BRCC3: variants seen among roughly 807,000 people sequenced by gnomAD.
BRCC3 encodes the protein BRCA1/BRCA2-containing complex subunit 3, also known as lys-63-specific deubiquitinase BRCC36.
A neutral mutation model predicts 28.0 loss-of-function variants in BRCC3; 15 were observed. The ratio of observed to expected loss-of-function variants is 0.54; its 90% CI spans 0.36 to 0.82. BRCC3 has a LOEUF of 0.82. BRCC3 is among the 40% of genes least tolerant of loss of function. BRCC3 has a pLI of 0.01. For missense variants in BRCC3, 109 were observed against 225.9 expected (o/e 0.48, Z 3.32); for synonymous variants, 66 against 80.3 (o/e 0.82, Z 0.95).
chrX:155,102,471 T>C (rs191414275), intron 7 of BRCC3, among the ~76,000 whole-genome samples: 27 of 112,419 alleles, frequency 2.4e-4, no homozygotes, highest in Non-Finnish European at 2.1e-4. Context: ...TTTTAATAGC[T>C]TTTTTGAAGG....
chrX:155,120,225 T>C, intron 10 of BRCC3, 57 bp downstream of exon 10: 1 of 894,130 alleles, frequency 1.1e-6, no homozygotes, highest in South Asian at 2.3e-5. Flanking sequence ...TGCACACAGC[T>C]CACATGCAGG....
In BRCC3 at chrX:155,122,488, C is replaced by T. The variant is rs1190798137; in HGVS notation, c.*1284C>T. On this transcript the variant is annotated 3_prime_UTR_variant, in exon 11 of 11. Transcript: ENST00000330045. ...TTTTTAATCAAGTTAAACATAAGACCCAGCAGTTGTGCTCCTGGACATTCA... is the reference window on the plus strand; with the variant it reads ...TTTTTAATCAAGTTAAACATAAGACTCAGCAGTTGTGCTCCTGGACATTCA... 1.8e-5 allele frequency: 2 copies of T among 111,540 alleles called. No homozygotes were observed. The highest frequency in any genetic ancestry group is 3.8e-5 in the Non-Finnish European group (2 of 53,023). The allele number at this position is 111,540 out of a possible 1,213,427, so 9.2% of individuals were successfully genotyped here.
intron 7 of BRCC3, among the ~76,000 whole-genome samples, chrX:155,100,514 G>C (rs1330192037): frequency 9.8e-5 from 11 of 112,332 alleles, no homozygotes; most frequent in African/African-American, 3.2e-4. Context: ...CTAAAGGGCA[G>C]TTATTTTGGA....
Position 155,120,180 on chromosome X carries a change from C to T in BRCC3, c.*18+12C>T, listed in dbSNP as rs2124315222. 1 of 1,162,772 alleles carries T rather than the reference C, an allele frequency of 8.6e-7. No individual in the cohort carries two copies. The highest frequency in any genetic ancestry group is 3.0e-5 in the East Asian group (1 of 33,610). Reference sequence around the variant, plus strand: ...GGAGACAAAATGGGGTAAAAAACTTCTTTTTCAATTTGTGTACTAAACACA... The same window carrying T: ...GGAGACAAAATGGGGTAAAAAACTTTTTTTTCAATTTGTGTACTAAACACA... On this transcript the variant is annotated intron_variant, in intron 10 of 10. Transcript: ENST00000330045.
chrX:155,071,563 T>G lies in BRCC3; in HGVS notation c.36T>G (p.Val12=). 1 of 1,206,705 alleles carries G rather than the reference T, an allele frequency of 8.3e-7. No homozygotes were observed. Among genetic ancestry groups the G allele is most frequent in the South Asian group, 1.8e-5 (1 of 56,260 alleles). The change falls in exon 1 of 11, where the codon GTT becomes GTG. Residue 12 remains valine, a synonymous_variant. Coordinates refer to ENST00000330045, the MANE Select transcript of BRCC3 (RefSeq NM_001018055.3). ...AVQVVQAVQA[V]HLESDAFLVC... ...AGGTGGTGCAGGCGGTGCAGGCGGT[T>G]CATCTCGAGTCTGACGCTTTCCTCG...
intron 5 of BRCC3, among the ~76,000 whole-genome samples, chrX:155,087,801 T>C (rs782227028): frequency 8.9e-6 from 1 of 111,890 alleles, no homozygotes; most frequent in South Asian, 3.8e-4. Flanking sequence ...AATAAATCAT[T>C]GGTGACCTTG....
At chrX:155,075,022 A>G (rs782789504) in intron 3 of BRCC3, among the ~76,000 whole-genome samples, 4 of 112,806 alleles carry the variant, frequency 3.5e-5, no homozygotes, top group African/African-American at 1.3e-4. Context: ...AAAGGAATAA[A>G]TGAAATTAAT....
chrX:155,088,268 A>G (rs1473981701), intron 5 of BRCC3, among the ~76,000 whole-genome samples: 1 of 111,947 alleles, frequency 8.9e-6, no homozygotes, highest in Admixed American at 9.4e-5. Context: ...TGTAATCTGC[A>G]GTGTTTCATT....
chrX:155,097,094 G>A (rs2124278276), intron 7 of BRCC3, among the ~76,000 whole-genome samples: 1 of 111,904 alleles, frequency 8.9e-6, no homozygotes, highest in East Asian at 2.8e-4. Context: ...ATTGGTCTTG[G>A]CAAAGATTTT....
At chrX:155,094,951 C>T (rs1296735441) in intron 7 of BRCC3, among the ~76,000 whole-genome samples, 1 of 112,386 alleles carries the variant, frequency 8.9e-6, no homozygotes, top group African/African-American at 3.2e-5. Context: ...TGAGCTGACA[C>T]CCATGTAGGA....
chrX:155,100,243 C>T (rs1557296726), intron 7 of BRCC3, among the ~76,000 whole-genome samples: 1 of 111,877 alleles, frequency 8.9e-6, no homozygotes, highest in Non-Finnish European at 1.9e-5. Context: ...AGAACGACGA[C>T]ATTCTCTTAC....
At chrX:155,072,122 GAAGCAA>G (rs1794473826) in intron 1 of BRCC3, among the ~76,000 whole-genome samples, 199 bp from the exon 2 acceptor site, 1 of 112,130 alleles carries the variant, frequency 8.9e-6, no homozygotes, top group South Asian at 3.7e-4. Context: ...GGGCTTGAAG[GAAGCAA>G]AAGTTTCCGC....
At chrX:155,113,513 A>G (rs73569643) in intron 7 of BRCC3, among the ~76,000 whole-genome samples, 1,204 of 111,528 alleles carry the variant, frequency 0.011, 15 homozygotes, top group African/African-American at 0.037. Context: ...ATTAAAGACC[A>G]AAATATAAGA....
At chrX:155,081,318 C>T (rs1235104760) in intron 5 of BRCC3, among the ~76,000 whole-genome samples, 1 of 96,547 alleles carries the variant, frequency 1.0e-5, no homozygotes, top group African/African-American at 3.9e-5. Flanking sequence ...GGTGACAGAG[C>T]GAGATTCTGT....
At chrX:155,073,511 A>G in intron 3 of BRCC3, 80 bp downstream of exon 3, 1 of 1,047,021 alleles carries the variant, frequency 9.6e-7, no homozygotes, top group Non-Finnish European at 1.3e-6. Context: ...CAGCCAGAGT[A>G]TGCGGTTTCT....
At chrX:155,098,068 T>A (rs782265354) in intron 7 of BRCC3, among the ~76,000 whole-genome samples, 7 of 112,865 alleles carry the variant, frequency 6.2e-5, no homozygotes, top group South Asian at 3.6e-4. Context: ...TAGCCTTTTT[T>A]AAAAATTCTG....
chrX:155,120,315 C>T (rs2038061177), intron 10 of BRCC3, 147 bp downstream of exon 10: 1 of 460,364 alleles, frequency 2.2e-6, no homozygotes, highest in Non-Finnish European at 3.7e-6. Context: ...TCACTGAACC[C>T]TCCTACCTAT....
intron 3 of BRCC3, among the ~76,000 whole-genome samples, chrX:155,076,719 T>A (rs1295663446): frequency 9.0e-6 from 1 of 111,580 alleles, no homozygotes; most frequent in Non-Finnish European, 1.9e-5. Flanking sequence ...CAATTTGAGA[T>A]GAAATTTGGG....
intron 5 of BRCC3, among the ~76,000 whole-genome samples, chrX:155,081,889 G>T (rs2074087894): frequency 9.0e-6 from 1 of 111,657 alleles, no homozygotes; most frequent in Non-Finnish European, 1.9e-5. Flanking sequence ...GGACCTTAAT[G>T]ATTTTGTTGG....
Sources: allele counts gnomAD v4.1 joint callset (sites outside exome capture counted in the v4.1 genomes callset), GRCh38; gene constraint gnomAD v4.1.1; transcripts MANE v1.5; gene names NCBI Gene and HGNC (gene_info 2026-07-23, HGNC 2026-07-21).